NCKAP5: variants seen among roughly 807,000 people sequenced by gnomAD.
The protein encoded by NCKAP5 is nck-associated protein 5.
A neutral mutation model predicts 167.0 loss-of-function variants in NCKAP5; 92 were observed. That is an observed-to-expected ratio of 0.55 (90% CI 0.47 to 0.66). The LOEUF is 0.66. Among genes scored for constraint, NCKAP5 ranks in the 30% least tolerant of loss-of-function variants. The pLI, the probability that NCKAP5 is intolerant of heterozygous loss-of-function variation, is 0.00. For missense variants in NCKAP5, 2,378 were observed against 2,315.0 expected (o/e 1.03, Z -0.56); for synonymous variants, 891 against 877.4 (o/e 1.02, Z -0.27).
intron 3 of NCKAP5, among the ~76,000 whole-genome samples, chr2:133,471,911 G>A (rs1296368083): frequency 2.0e-5 from 3 of 152,128 alleles, no homozygotes; most frequent in Admixed American, 2.0e-4. Context: ...TTATGCTTTA[G>A]TTTGACATGG....
chr2:133,499,694 G>A (rs1033040125), intron 3 of NCKAP5, among the ~76,000 whole-genome samples: 4 of 152,086 alleles, frequency 2.6e-5, no homozygotes, highest in African/African-American at 9.7e-5. Context: ...CGAGTAGGTG[G>A]GATTACAGGC....
the NCKAP5 span, among the ~76,000 whole-genome samples, chr2:133,615,022 A>G: frequency 6.6e-6 from 1 of 151,790 alleles, no homozygotes; most frequent in Non-Finnish European, 1.5e-5. Context: ...AGAATTTTCA[A>G]CCCAGAATTT....
intron 6 of NCKAP5, among the ~76,000 whole-genome samples, chr2:133,000,903 T>G (rs1450249527): frequency 6.6e-6 from 1 of 152,178 alleles, no homozygotes; most frequent in Non-Finnish European, 1.5e-5. Flanking sequence ...ATGATTTCAT[T>G]TATACAAAGT....
chr2:133,259,104 C>T (rs1221384951), intron 4 of NCKAP5, among the ~76,000 whole-genome samples: 1 of 152,180 alleles, frequency 6.6e-6, no homozygotes, highest in African/African-American at 2.4e-5. Context: ...TGAGCTCAAG[C>T]CCTCTGCGGG....
intron 3 of NCKAP5, among the ~76,000 whole-genome samples, chr2:133,447,723 T>G (rs1214188759): frequency 6.6e-6 from 1 of 152,110 alleles, no homozygotes; most frequent in Non-Finnish European, 1.5e-5. Context: ...TGGGCTCAAG[T>G]GATCCTCCAA....
chr2:133,047,661 A>G (rs1186917970), intron 6 of NCKAP5, among the ~76,000 whole-genome samples: 2 of 152,228 alleles, frequency 1.3e-5, no homozygotes, highest in Non-Finnish European at 2.9e-5. Context: ...CTTCAATTCA[A>G]TTTAATTTTA....
intron 3 of NCKAP5, among the ~76,000 whole-genome samples, chr2:133,382,185 C>T (rs373523041): frequency 1.8e-4 from 28 of 152,270 alleles, no homozygotes; most frequent in South Asian, 8.3e-4. Context: ...TCAAATTCAA[C>T]GAACATCATC....
chr2:133,016,318 G>C (rs1034933298), intron 6 of NCKAP5, among the ~76,000 whole-genome samples: 2 of 152,140 alleles, frequency 1.3e-5, no homozygotes, highest in Non-Finnish European at 2.9e-5. Flanking sequence ...CAAATGGTTG[G>C]TAATACAGTG....
intron 1 of NCKAP5, among the ~76,000 whole-genome samples, chr2:133,560,029 G>A (rs1363403672): frequency 6.6e-6 from 1 of 152,064 alleles, no homozygotes; most frequent in African/African-American, 2.4e-5. Flanking sequence ...GCCCCCATTG[G>A]ACAAATGCCA....
At chr2:133,564,857 G>A (rs1432240473) in intron 1 of NCKAP5, among the ~76,000 whole-genome samples, 1 of 152,178 alleles carries the variant, frequency 6.6e-6, no homozygotes, top group Non-Finnish European at 1.5e-5. Context: ...GGCATTCAGT[G>A]AGCAGTATTC....
intron 4 of NCKAP5, among the ~76,000 whole-genome samples, chr2:133,225,102 G>A (rs2086824285): frequency 6.6e-6 from 1 of 152,068 alleles, no homozygotes; most frequent in Non-Finnish European, 1.5e-5. Flanking sequence ...CTAGGTTTGT[G>A]TTATGTCTGA....
In NCKAP5 at chr2:133,179,618, C is replaced by G. The variant is rs567062358; in HGVS notation, c.207+34098G>C. Among the ~76,000 whole-genome samples, 6 of 152,072 alleles carry G rather than the reference C, an allele frequency of 3.9e-5. No individual in the cohort carries two copies. In the South Asian group the frequency reaches 1.0e-3, roughly 26 times the overall value. Reference sequence around the variant, plus strand: ...GTTTAACAAGTAAAAACCAGAAATCCTTAGCAAAGAAATACAAAGTCTTAG... The same window carrying G: ...GTTTAACAAGTAAAAACCAGAAATCGTTAGCAAAGAAATACAAAGTCTTAG... On this transcript the variant is annotated intron_variant, in intron 5 of 19. Coordinates refer to ENST00000409261, the MANE Select transcript of NCKAP5 (RefSeq NM_207363.3).
chr2:133,187,065 T>G (rs1478911960), intron 5 of NCKAP5, among the ~76,000 whole-genome samples: 1 of 152,064 alleles, frequency 6.6e-6, no homozygotes, highest in Non-Finnish European at 1.5e-5. Flanking sequence ...TTGAGATTTT[T>G]CTAACTTCTT....
rs78993445 is a variant in NCKAP5, at chr2:133,107,078, A to G, written c.341+22900T>C. On this transcript the variant is annotated intron_variant, in intron 6 of 19. Coordinates refer to ENST00000409261, the MANE Select transcript of NCKAP5 (RefSeq NM_207363.3). ...AGTTGTAAAAAAAAGTCATTTTTACATCATCAAAACTTCTGAAACACTGAG... is the reference window on the plus strand; with the variant it reads ...AGTTGTAAAAAAAAGTCATTTTTACGTCATCAAAACTTCTGAAACACTGAG... Among the ~76,000 whole-genome samples the G allele has an allele frequency of 4.5e-3, 687 of 152,306 alleles. 14 individuals carry two copies. The highest frequency in any genetic ancestry group is 0.016 in the African/African-American group (668 of 41,554).
intron 19 of NCKAP5, among the ~76,000 whole-genome samples, chr2:132,694,919 T>C (rs1404282542): frequency 1.3e-5 from 2 of 152,120 alleles, no homozygotes; most frequent in African/African-American, 4.8e-5. Context: ...ACAAGAGAAA[T>C]TTATTTCCCA....
At chr2:132,715,571 G>C (rs1354839181) in intron 19 of NCKAP5, among the ~76,000 whole-genome samples, 1 of 152,106 alleles carries the variant, frequency 6.6e-6, no homozygotes, top group Non-Finnish European at 1.5e-5. Context: ...AAGGATTTCT[G>C]CCTCCTCAGG....
intron 5 of NCKAP5, among the ~76,000 whole-genome samples, chr2:133,178,920 C>G (rs150858132): frequency 1.3e-5 from 2 of 151,018 alleles, no homozygotes; most frequent in African/African-American, 4.9e-5. Context: ...AATCCCAACA[C>G]TTTGAGAGGC....
chr2:133,433,529 C>T (rs1690290273), intron 3 of NCKAP5: 1 of 152,100 alleles, frequency 6.6e-6, no homozygotes, highest in South Asian at 2.1e-4. Context: ...GAGGTTTTCA[C>T]ATGGGAAGAA....
intron 6 of NCKAP5, among the ~76,000 whole-genome samples, chr2:133,086,849 AAGG>A (rs2081009733): frequency 6.6e-6 from 1 of 152,214 alleles, no homozygotes; most frequent in Non-Finnish European, 1.5e-5. Context: ...TGGGGGCAAG[AAGG>A]AGATCTGAGA....
Sources: gnomAD v4.1 joint callset for allele counts (sites outside exome capture counted in the v4.1 genomes callset) on GRCh38, gnomAD v4.1.1 for gene constraint, MANE v1.5 for transcripts, NCBI Gene and HGNC (gene_info 2026-07-23, HGNC 2026-07-21) for gene names.